The following DYRK1A variants were observed in gnomAD, a reference collection of about 807,000 sequenced individuals.
DYRK1A encodes dual specificity tyrosine-phosphorylation-regulated kinase 1A.
DYRK1A carries 9 observed loss-of-function variants against 79.7 expected under a neutral mutation model. The observed-to-expected ratio is 0.11, with a 90% CI of 0.07 to 0.20. DYRK1A has a LOEUF of 0.20. Ranked by LOEUF, DYRK1A falls within the 10% of genes least tolerant of loss-of-function variation. DYRK1A has a pLI of 1.00. For synonymous variants in DYRK1A, 349 were observed against 329.7 expected, an observed-to-expected ratio of 1.06 and a Z score of -0.63; for missense variants, 622 against 956.0, an observed-to-expected ratio of 0.65 and a Z score of 4.61.
chr21:37,455,453 C>T (rs2051604676), intron 2 of DYRK1A, among the ~76,000 whole-genome samples: 1 of 152,070 alleles, frequency 6.6e-6, no homozygotes, highest in Non-Finnish European at 1.5e-5. Context: ...GAGACATTAT[C>T]AACTAATTTA....
At chr21:37,433,354 G>GT (rs1467806181) in intron 2 of DYRK1A, among the ~76,000 whole-genome samples, 1 of 152,124 alleles carries the variant, frequency 6.6e-6, no homozygotes, top group Non-Finnish European at 1.5e-5. Context: ...TACAAAAAAT[G>GT]TTTAAGAGGT....
At chr21:37,455,720 G>T (rs930481960) in intron 2 of DYRK1A, among the ~76,000 whole-genome samples, 6 of 152,066 alleles carry the variant, frequency 3.9e-5, no homozygotes, top group Non-Finnish European at 8.8e-5. Flanking sequence ...TCTATTTGTG[G>T]TTCCTCCTGG....
intron 2 of DYRK1A, among the ~76,000 whole-genome samples, chr21:37,463,183 G>A (rs1479713848): frequency 7.3e-6 from 1 of 137,158 alleles, no homozygotes; most frequent in Non-Finnish European, 1.6e-5. Context: ...ATGTGTGTGT[G>A]TGTGTGTTTA....
intron 8 of DYRK1A, among the ~76,000 whole-genome samples, chr21:37,494,943 A>G (rs903551081): frequency 7.4e-4 from 27 of 36,506 alleles, no homozygotes; most frequent in Non-Finnish European, 1.0e-3. Context: ...ACAAGACTCC[A>G]TTAAAAAAAA....
chr21:37,378,574 C>T (rs981058538), intron 1 of DYRK1A, among the ~76,000 whole-genome samples: 6 of 152,264 alleles, frequency 3.9e-5, no homozygotes, highest in Non-Finnish European at 7.4e-5. Flanking sequence ...CCCTTTATTT[C>T]GTTACTCTGT....
chr21:37,388,764 C>T (rs187728655), intron 1 of DYRK1A, among the ~76,000 whole-genome samples: 22 of 151,460 alleles, frequency 1.5e-4, no homozygotes, highest in African/African-American at 4.6e-4. Context: ...CCTGCCTCAG[C>T]CTCCCGAGTA....
intron 2 of DYRK1A, among the ~76,000 whole-genome samples, chr21:37,446,408 C>T (rs189291590): frequency 3.3e-5 from 5 of 152,114 alleles, no homozygotes; most frequent in Admixed American, 2.0e-4. Context: ...TCAAGAAATT[C>T]AAAATGAAAA....
At chr21:37,492,606 C>T (rs994059252) in intron 7 of DYRK1A, among the ~76,000 whole-genome samples, 2 of 152,080 alleles carry the variant, frequency 1.3e-5, no homozygotes, top group African/African-American at 4.8e-5. Flanking sequence ...CTGAGAAATA[C>T]ATTGTTTGGG....
chr21:37,517,403 A>G lies in DYRK1A; in HGVS notation c.*4872A>G, dbSNP rs954261042. On this transcript the variant is annotated 3_prime_UTR_variant, in exon 12 of 12. Coordinates refer to ENST00000647188, the MANE Select transcript of DYRK1A (RefSeq NM_001347721.2). ...AGTGCTTAATGTTTCATCTGTCTGAAAGACCAGCTATTTGATAATCTTCCC... is the reference window on the plus strand; with the variant it reads ...AGTGCTTAATGTTTCATCTGTCTGAGAGACCAGCTATTTGATAATCTTCCC... 3 of 152,192 alleles carry G rather than the reference A, an allele frequency of 2.0e-5. No individual in the cohort carries two copies. The highest frequency in any genetic ancestry group is 7.2e-5 in the African/African-American group (3 of 41,434). The allele number at this position is 152,192 out of a possible 1,614,324, so 9.4% of individuals were successfully genotyped here.
At chr21:37,400,607 A>G (rs2050035099) in intron 1 of DYRK1A, among the ~76,000 whole-genome samples, 1 of 152,194 alleles carries the variant, frequency 6.6e-6, no homozygotes. Context: ...TTTTTATAAC[A>G]ATGGTTTTGA....
chr21:37,406,617 G>C (rs773559059), intron 1 of DYRK1A, among the ~76,000 whole-genome samples: 1 of 151,994 alleles, frequency 6.6e-6, no homozygotes, highest in South Asian at 2.1e-4. Context: ...CATGAGAATT[G>C]CTTGAACCCG....
At position 37,472,768 on chromosome 21, in the gene DYRK1A, G is replaced by T; in HGVS notation, c.95G>T (p.Gly32Val). ...CATGCTGCTGGCCTTCAGATGGCTG[G>T]ACAGATGCCCCATTCACATCAGTAC... ...SFHAAGLQMAGQMPHSHQYSD... is the reference protein window; with the variant it reads ...SFHAAGLQMAVQMPHSHQYSD... The change falls in exon 3 of 12, where the codon GGA becomes GTA. Residue 32 changes from glycine to valine, a missense_variant. Transcript: ENST00000647188. 4 of 1,613,150 alleles carry T rather than the reference G, an allele frequency of 2.5e-6. No individual in the cohort carries two copies.
rs13046383 is a variant in DYRK1A, at chr21:37,517,656, G to C, written c.*5125G>C. 17,753 of 152,236 alleles carry C rather than the reference G, an allele frequency of 0.12. 1,272 individuals are homozygous for C. Among genetic ancestry groups the C allele is most frequent in the Middle Eastern group, 0.16 (47 of 294 alleles). The allele number at this position is 152,236 out of a possible 1,614,324, so 9.4% of individuals were successfully genotyped here. ...AGGAAGCAGCCAAGCAGGTGTGCCG[G>C]GCAGGGAGTTGTTAATGAACACCCA... is the stretch of plus-strand genomic sequence containing the variant. On this transcript the variant is annotated 3_prime_UTR_variant, in exon 12 of 12. Transcript: ENST00000647188.
At chr21:37,392,701 T>C (rs1393981093) in intron 1 of DYRK1A, among the ~76,000 whole-genome samples, 1 of 152,220 alleles carries the variant, frequency 6.6e-6, no homozygotes, top group Admixed American at 6.5e-5. Flanking sequence ...ATGTAGAAAT[T>C]CTGTGGGGAA....
At chr21:37,420,510 C>A in intron 2 of DYRK1A, 126 bp downstream of exon 2, 2 of 927,398 alleles carry the variant, frequency 2.2e-6, no homozygotes, top group Non-Finnish European at 3.4e-6. Context: ...TCAGTAAATG[C>A]AAAGGTAGTT....
chr21:37,404,669 C>T (rs1317151918), intron 1 of DYRK1A, among the ~76,000 whole-genome samples: 1 of 152,174 alleles, frequency 6.6e-6, no homozygotes, highest in African/African-American at 2.4e-5. Flanking sequence ...GACTCATGAC[C>T]CTTCAGGGAT....
At position 37,493,047 on chromosome 21, in the gene DYRK1A, C is replaced by T. The variant is rs113004433; in HGVS notation, c.955C>T (p.Arg319Trp). 8.5e-7 allele frequency: 1 copy of T among 1,176,872 alleles called. No homozygotes were observed. The allele number at this position is 1,176,872 out of a possible 1,614,324, so 72.9% of individuals were successfully genotyped here. A position where few individuals can be genotyped will look rare whatever the true frequency, so the allele number is the denominator to read the frequency against. The change falls in exon 8 of 12, where the codon CGG becomes TGG. Residue 319 changes from arginine (R) to tryptophan (W), a missense_variant. Transcript: ENST00000647188. ...CCAGTATATTCAGAGTCGCTTTTAT[C>T]GGTCTCCAGAGGTGCTACTGGGAAT... The part of the protein sequence containing the change: ...IYQYIQSRFY[R>W]SPEVLLGMPY...
rs2236686 is a variant in DYRK1A, at chr21:37,516,441, G to T, written c.*3910G>T. The T allele has an allele frequency of 6.6e-6, 1 of 151,962 alleles. No homozygotes were observed. 9.4% of individuals were successfully genotyped at this position (151,962 alleles called of 1,614,324 possible). On this transcript the variant is annotated 3_prime_UTR_variant, in exon 12 of 12. Coordinates refer to ENST00000647188, the MANE Select transcript of DYRK1A (RefSeq NM_001347721.2). Reference sequence around the variant, plus strand: ...TTCTTATCTAGGCCTGTTTCCTTGCGTGAAAACATACATCACCAAGTAATT... The same window carrying T: ...TTCTTATCTAGGCCTGTTTCCTTGCTTGAAAACATACATCACCAAGTAATT...
chr21:37,469,651 A>G (rs966601326), intron 2 of DYRK1A, among the ~76,000 whole-genome samples: 6 of 152,188 alleles, frequency 3.9e-5, no homozygotes, highest in African/African-American at 1.4e-4. Flanking sequence ...CATGGCCTGC[A>G]AAGTCAGGCA....
Sources: gnomAD v4.1 joint callset for allele counts (sites outside exome capture counted in the v4.1 genomes callset) on GRCh38, gnomAD v4.1.1 for gene constraint, MANE v1.5 for transcripts, NCBI Gene and HGNC (gene_info 2026-07-23, HGNC 2026-07-21) for gene names.